The following MEGF8 variants were observed in gnomAD, a reference collection of about 807,000 sequenced individuals.
The protein encoded by MEGF8 is multiple epidermal growth factor-like domains protein 8.
MEGF8 carries 156 observed loss-of-function variants against 302.9 expected under a neutral mutation model. That is an observed-to-expected ratio of 0.52 (90% CI 0.45 to 0.59). The LOEUF (loss-of-function observed/expected upper bound fraction) is 0.59. Among genes scored for constraint, MEGF8 ranks in the 20% least tolerant of loss-of-function variants. MEGF8 has a pLI of 0.00. For synonymous variants in MEGF8, 1,621 were observed against 1,660.5 expected, an observed-to-expected ratio of 0.98 and a Z score of 0.58; for missense variants, 3,345 against 3,964.5, an observed-to-expected ratio of 0.84 and a Z score of 4.20.
Position 42,370,817 on chromosome 19 carries a change from C to T in MEGF8, c.7122C>T (p.Asp2374=), listed in dbSNP as rs765312333. 39 of 959,074 alleles carry T rather than the reference C, an allele frequency of 4.1e-5. No individual in the cohort carries two copies. The highest frequency in any genetic ancestry group is 2.0e-4 in the East Asian group (7 of 35,842). 59.4% of individuals were successfully genotyped at this position (959,074 alleles called of 1,614,324 possible). The change falls in exon 40 of 42, where the codon GAC becomes GAT. Residue 2374 remains aspartate, a synonymous_variant. Coordinates refer to ENST00000251268, the MANE Select transcript of MEGF8 (RefSeq NM_001271938.2). ...ESCLQGYFLL[D]GKCTKCQCNG... ...GCCTGCAGGGCTACTTCCTCCTGGA[C>T]GGGAAGTGCACCAAGTAAGAGGAAC...
At position 42,352,872 on chromosome 19, in the gene MEGF8, CT is replaced by C; in HGVS notation, c.3351-53del. 1 of 1,311,072 alleles carries C rather than the reference CT, an allele frequency of 7.6e-7. No homozygotes were observed. Among genetic ancestry groups the C allele is most frequent in the African/African-American group, 1.5e-5 (1 of 68,390 alleles). The allele number at this position is 1,311,072 out of a possible 1,614,324, so 81.2% of individuals were successfully genotyped here. On this transcript the variant is annotated intron_variant, in intron 19 of 41. Coordinates refer to ENST00000251268, the MANE Select transcript of MEGF8 (RefSeq NM_001271938.2). This position sits in a 1 kb window ranked among gnomAD's most constrained non-coding sequence, Gnocchi z 4.4. ...CATGGTGGGTGGAGATGATGGGGTG[CT>C]TTAGGGGCTCTGGGCCTGCCTGGCG...
intron 1 of MEGF8, among the ~76,000 whole-genome samples, chr19:42,326,677 C>G (rs1376509038): frequency 6.6e-6 from 1 of 151,488 alleles, no homozygotes; most frequent in East Asian, 1.9e-4. Flanking sequence ...TTCTGAGTAA[C>G]TGTTAAGAAC....
At chr19:42,332,000 C>T (rs1389256229) in intron 1 of MEGF8, among the ~76,000 whole-genome samples, 3 of 151,302 alleles carry the variant, frequency 2.0e-5, no homozygotes, top group Admixed American at 2.0e-4. Context: ...CTGGGACTTG[C>T]ACCACCATGC....
At chr19:42,337,297 G>A (rs1200106100) in intron 8 of MEGF8, 91 bp downstream of exon 8, 1 of 1,567,940 alleles carries the variant, frequency 6.4e-7, no homozygotes, top group East Asian at 2.3e-5. Context: ...GTCCGTAAGG[G>A]TGAGCCTGAC....
At position 42,357,052 on chromosome 19, in the gene MEGF8, C is replaced by A; in HGVS notation, c.4830+71C>A. 1 of 1,404,716 alleles carries A rather than the reference C, an allele frequency of 7.1e-7. No homozygotes were observed. Among genetic ancestry groups the A allele is most frequent in the South Asian group, 1.4e-5 (1 of 72,810 alleles). 87.0% of individuals were successfully genotyped at this position (1,404,716 alleles called of 1,614,324 possible). On this transcript the variant is annotated intron_variant, in intron 27 of 41. Transcript: ENST00000251268. This position sits in a 1 kb window ranked among gnomAD's most constrained non-coding sequence, Gnocchi z 5.2. ...CTGACAGAGACAGCTGTGGTAGCTC[C>A]TGCCAGCTCCATCCCCAGAGGAAAC...
chr19:42,329,645 C>G (rs1190812520), intron 1 of MEGF8, among the ~76,000 whole-genome samples: 1 of 152,074 alleles, frequency 6.6e-6, no homozygotes, highest in Admixed American at 6.6e-5. Flanking sequence ...AAGGATTACT[C>G]GAGCCCAGGA....
At position 42,352,278 on chromosome 19, in the gene MEGF8, G is replaced by C; in HGVS notation, c.3172G>C (p.Gly1058Arg). The C allele has an allele frequency of 6.4e-7, 1 of 1,566,614 alleles. No homozygotes were observed. The highest frequency in any genetic ancestry group is 1.9e-5 in the Admixed American group (1 of 53,074). Residue 1058 changes from glycine to arginine, a missense_variant, in exon 19 of 42, where the codon GGG becomes CGG. Gly to Arg is a moderately radical substitution (Grantham distance 125, BLOSUM62 -2). Transcript: ENST00000251268. This position sits in a 1 kb window ranked among gnomAD's most constrained non-coding sequence, Gnocchi z 4.4. Reference sequence around the variant, plus strand: ...CTCCCTGTGGGTGGGGGAGGGCCTGGGGCTTCCCGTGGCCCTCCCTGCCCG... The same window carrying C: ...CTCCCTGTGGGTGGGGGAGGGCCTGCGGCTTCCCGTGGCCCTCCCTGCCCG... ...NCSLWVGEGL[G>R]LPVALPARWA...
In MEGF8 at chr19:42,326,156, G is replaced by T. The variant is rs2038980643; in HGVS notation, c.-88G>T. On this transcript the variant is annotated 5_prime_UTR_variant, in exon 1 of 42. Coordinates refer to ENST00000251268, the MANE Select transcript of MEGF8 (RefSeq NM_001271938.2). ...AGGTCATGTTATGCCTATAGAGGTC[G>T]CATTTGCAGGGCCTCACCCCGGGTA... is the stretch of plus-strand genomic sequence containing the variant. The T allele has an allele frequency of 7.1e-7, 1 of 1,405,282 alleles. No homozygotes were observed. Among genetic ancestry groups the T allele is most frequent in the South Asian group, 1.7e-5 (1 of 57,158 alleles). 87.1% of individuals were successfully genotyped at this position (1,405,282 alleles called of 1,614,324 possible).
chr19:42,356,451 C>G lies in MEGF8; in HGVS notation c.4620C>G (p.Tyr1540Ter). Reference sequence around the variant, plus strand: ...CCCAGGGGCTGCTGGGAAACCTGTACAGGTGAGGACTGCCCTGGGCAGGTG... The same window carrying G: ...CCCAGGGGCTGCTGGGAAACCTGTAGAGGTGAGGACTGCCCTGGGCAGGTG... ...GLPQGLLGNL[Y>*]RYSVSERRWT... Residue 1540 changes from tyrosine to a stop codon, truncating the protein, a stop_gained and splice_region_variant, in exon 26 of 42, where the codon TAC (tyrosine) becomes TAG (stop). Transcript: ENST00000251268. LOFTEE classifies it high-confidence loss of function. This position sits in a 1 kb window ranked among gnomAD's most constrained non-coding sequence, Gnocchi z 5.2. 1 of 1,591,536 alleles carries G rather than the reference C, an allele frequency of 6.3e-7. No individual in the cohort carries two copies. The highest frequency in any genetic ancestry group is 8.5e-7 in the Non-Finnish European group (1 of 1,170,524).
Position 42,354,784 on chromosome 19 carries a change from C to T in MEGF8, c.4144+64C>T. 6.6e-7 allele frequency: 1 copy of T among 1,518,262 alleles called. No individual in the cohort carries two copies. Among genetic ancestry groups the T allele is most frequent in the Non-Finnish European group, 8.8e-7 (1 of 1,132,122 alleles). 94.0% of individuals were successfully genotyped at this position (1,518,262 alleles called of 1,614,324 possible). ...GCTATGTATCCCTTGCCCCTGAACTCACCACCTGAAGTGGGCTCAGGACCC... is the reference window on the plus strand; with the variant it reads ...GCTATGTATCCCTTGCCCCTGAACTTACCACCTGAAGTGGGCTCAGGACCC... On this transcript the variant is annotated intron_variant, in intron 23 of 41. Transcript: ENST00000251268. This position sits in a 1 kb window ranked among gnomAD's most constrained non-coding sequence, Gnocchi z 4.3.
Position 42,353,671 on chromosome 19 carries a change from C to A in MEGF8, c.3757C>A (p.Pro1253Thr), listed in dbSNP as rs1209269226. ...QLCSPGYYGD[P>T]RAGGSCFREC... The stretch of plus-strand genomic sequence containing the variant: ...CTGCTCCCCAGGCTATTATGGGGAT[C>A]CCCGGTGAGCCAACGGGCCAGCCAG... Residue 1253 changes from proline to threonine, a missense_variant, in exon 21 of 42, where the codon CCC (proline) becomes ACC (threonine). By Grantham distance (38) the Pro-to-Thr change is conservative (BLOSUM62 -1). Coordinates refer to ENST00000251268, the MANE Select transcript of MEGF8 (RefSeq NM_001271938.2). The surrounding 1 kb of genome is among the most constrained non-coding windows in gnomAD (Gnocchi z 6.1). 3.2e-6 allele frequency: 5 copies of A among 1,575,168 alleles called. No homozygotes were observed. Among genetic ancestry groups the A allele is most frequent in the Non-Finnish European group, 4.3e-6 (5 of 1,156,304 alleles).
In MEGF8 at chr19:42,335,254, G is replaced by A. The variant is rs201427842; in HGVS notation, c.739+39G>A. On this transcript the variant is annotated intron_variant, in intron 4 of 41. Coordinates refer to ENST00000251268, the MANE Select transcript of MEGF8 (RefSeq NM_001271938.2). ...GCGAGTATCTGGGATCTGGAGGCCC[G>A]GCAGCCTATGGCCAGGGCATGAGAC... The A allele has an allele frequency of 5.7e-4, 920 of 1,613,860 alleles. 3 individuals are homozygous for A. In the African/African-American group the frequency reaches 0.011, roughly 18 times the overall value.
In MEGF8 at chr19:42,362,529, G is replaced by A; in HGVS notation, c.5990G>A (p.Gly1997Glu). The change falls in exon 34 of 42, where the codon GGG becomes GAG. Residue 1997 changes from glycine to glutamate, a missense_variant. Transcript: ENST00000251268. Reference protein sequence around the residue: ...WAGNCSEAACGAADCEQCTRE... With the variant: ...WAGNCSEAACEAADCEQCTRE... ...GGGAACTGCTCCGAGGCTGCGTGCGGGGCTGCTGACTGCGAGCAGTGCACG... is the reference window on the plus strand; with the variant it reads ...GGGAACTGCTCCGAGGCTGCGTGCGAGGCTGCTGACTGCGAGCAGTGCACG... The A allele has an allele frequency of 6.2e-7, 1 of 1,613,780 alleles. No homozygotes were observed. The highest frequency in any genetic ancestry group is 8.5e-7 in the Non-Finnish European group (1 of 1,179,900).
Position 42,335,343 on chromosome 19 carries a change from C to T in MEGF8, c.786C>T (p.Phe262=). 6.2e-7 allele frequency: 1 copy of T among 1,614,018 alleles called. No homozygotes were observed. Among genetic ancestry groups the T allele is most frequent in the South Asian group, 1.1e-5 (1 of 91,080 alleles). Residue 262 remains phenylalanine (F), a synonymous_variant, in exon 5 of 42, where the codon TTC becomes TTT. Coordinates refer to ENST00000251268, the MANE Select transcript of MEGF8 (RefSeq NM_001271938.2). ...NALGDLVLYN[F]SANTWESWDL... The stretch of plus-strand genomic sequence containing the variant: ...TGGGTGACCTCGTCCTATACAACTT[C>T]TCCGCCAACACCTGGGAGTCTTGGG...
In MEGF8 at chr19:42,368,351, C is replaced by A; in HGVS notation, c.6274-104C>A. 9.7e-7 allele frequency: 1 copy of A among 1,035,962 alleles called. No individual in the cohort carries two copies. Among genetic ancestry groups the A allele is most frequent in the Non-Finnish European group, 1.4e-6 (1 of 720,764 alleles). The allele number at this position is 1,035,962 out of a possible 1,614,324, so 64.2% of individuals were successfully genotyped here. On this transcript the variant is annotated intron_variant, in intron 35 of 41. Transcript: ENST00000251268. The surrounding 1 kb of genome is among the most constrained non-coding windows in gnomAD (Gnocchi z 4.9). Reference sequence around the variant, plus strand: ...TACCTGTGGCCAGGGAGGGGTGAGACCTCAAAGAGGGTGTGGTCTGGGAAG... The same window carrying A: ...TACCTGTGGCCAGGGAGGGGTGAGAACTCAAAGAGGGTGTGGTCTGGGAAG...
chr19:42,360,653 G>C, intron 31 of MEGF8, 122 bp from the exon 32 acceptor site: 1 of 1,486,814 alleles, frequency 6.7e-7, no homozygotes, highest in Non-Finnish European at 8.9e-7. Context: ...CCTTGTTTCT[G>C]CTGTCCTTTG....
intron 41 of MEGF8, among the ~76,000 whole-genome samples, chr19:42,374,691 C>T (rs972986641): frequency 2.6e-5 from 4 of 152,178 alleles, no homozygotes; most frequent in African/African-American, 9.7e-5. Context: ...CAGTAGGGAA[C>T]AAAGCAGGCA....
rs1055576149 is a variant in MEGF8 at position 42,353,891 on chromosome 19, C to T, written c.3878C>T (p.Ala1293Val). The change falls in exon 22 of 42, where the codon GCA (alanine) becomes GTA (valine). Residue 1293 changes from alanine to valine, a missense_variant. Ala to Val is a moderately conservative substitution (Grantham distance 64). Coordinates refer to ENST00000251268, the MANE Select transcript of MEGF8 (RefSeq NM_001271938.2). The surrounding 1 kb of genome is among the most constrained non-coding windows in gnomAD (Gnocchi z 6.1). ...CTGCTGCCTCCAGGTGGCGGGGCTG[C>T]AAGAGCCGGGCCTGGCCTGTCCTAC... is the stretch of plus-strand genomic sequence containing the variant. ...GGLLPPGGGA[A>V]RAGPGLSYCV... is the part of the protein sequence containing the mutation. The T allele has an allele frequency of 1.9e-6, 3 of 1,595,572 alleles. No homozygotes were observed. The highest frequency in any genetic ancestry group is 1.7e-6 in the Non-Finnish European group (2 of 1,171,286).
In MEGF8 at chr19:42,352,969, C is replaced by G. The variant is rs748525586; in HGVS notation, c.3392C>G (p.Pro1131Arg). ...GGCCATGGTGTGTGCAGTGGCCCCCCGGACTTTACCTGCGTGTGTGACCTA... is the reference window on the plus strand; with the variant it reads ...GGCCATGGTGTGTGCAGTGGCCCCCGGGACTTTACCTGCGTGTGTGACCTA... ...DCGHGVCSGPPDFTCVCDLGW... is the reference protein window; with the variant it reads ...DCGHGVCSGPRDFTCVCDLGW... The change falls in exon 20 of 42, where the codon CCG becomes CGG. Residue 1131 changes from proline (P) to arginine (R), a missense_variant. Physicochemically the swap from Pro to Arg is moderately radical, Grantham distance 103. Transcript: ENST00000251268. The surrounding 1 kb of genome is among the most constrained non-coding windows in gnomAD (Gnocchi z 4.4). The G allele has an allele frequency of 1.2e-6, 2 of 1,601,102 alleles. No individual in the cohort carries two copies. Among genetic ancestry groups the G allele is most frequent in the African/African-American group, 1.3e-5 (1 of 74,782 alleles).
Sources: gnomAD v4.1 joint callset for allele counts (sites outside exome capture counted in the v4.1 genomes callset) on GRCh38, gnomAD v4.1.1 for gene constraint, Gnocchi (gnomAD v3.1) non-coding constraint, MANE v1.5 for transcripts, NCBI Gene and HGNC (gene_info 2026-07-23, HGNC 2026-07-21) for gene names.